DEPDC5: variants seen among roughly 807,000 people sequenced by gnomAD.
The protein encoded by DEPDC5 is DEP domain containing 5, GATOR1 subcomplex subunit.
DEPDC5 carries 73 observed loss-of-function variants against 217.3 expected under a neutral mutation model. The ratio of observed to expected loss-of-function variants is 0.34; its 90% CI spans 0.28 to 0.41. The LOEUF is 0.41. DEPDC5 is among the 10% of genes least tolerant of loss of function. DEPDC5 has a pLI of 1.00. For synonymous variants in DEPDC5, 733 were observed against 756.7 expected, an observed-to-expected ratio of 0.97 and a Z score of 0.51; for missense variants, 1,675 against 2,070.1, an observed-to-expected ratio of 0.81 and a Z score of 3.70.
intron 4 of DEPDC5, among the ~76,000 whole-genome samples, 165 bp from the exon 5 acceptor site, chr22:31,764,810 G>T (rs761095684): frequency 7.2e-5 from 11 of 152,068 alleles, no homozygotes; most frequent in Non-Finnish European, 1.5e-4. Flanking sequence ...CACCTAAAAA[G>T]CAGAGAATTG....
In DEPDC5 at chr22:31,893,102, T is replaced by C. The variant is rs904968843; in HGVS notation, c.4034-480T>C. Among the ~76,000 whole-genome samples, 5 of 152,050 alleles carry C rather than the reference T, an allele frequency of 3.3e-5. No individual in the cohort carries two copies. The East Asian group carries it at 9.7e-4, about 30-fold the overall frequency. On this transcript the variant is annotated intron_variant, in intron 38 of 42. Transcript: ENST00000651528. ...TGTTGGCCAGGATGGTCTCGATCTC[T>C]TGACCTCGTGATCTGCTTGCGTCGG...
At chr22:31,815,799 G>A (rs2089029602) in intron 21 of DEPDC5, 2 of 1,247,656 alleles carry the variant, frequency 1.6e-6, no homozygotes, top group East Asian at 3.4e-5. Context: ...AAAGTGCTGA[G>A]ATTACAGGCA....
At chr22:31,892,535 T>TC (rs1378446008) in intron 38 of DEPDC5, among the ~76,000 whole-genome samples, 2 of 151,958 alleles carry the variant, frequency 1.3e-5, no homozygotes, top group Non-Finnish European at 2.9e-5. Context: ...AATACAAAAA[T>TC]TAGCCGGGTG....
At chr22:31,840,476 A>G (rs989148483) in intron 27 of DEPDC5, among the ~76,000 whole-genome samples, 1 of 152,224 alleles carries the variant, frequency 6.6e-6, no homozygotes, top group Admixed American at 6.5e-5. Flanking sequence ...CCTTTATCCC[A>G]AGAGTAATAA....
intron 12 of DEPDC5, among the ~76,000 whole-genome samples, chr22:31,793,565 GTTA>G (rs553293912): frequency 1.3e-5 from 2 of 151,204 alleles, no homozygotes; most frequent in Middle Eastern, 3.2e-3. Flanking sequence ...CATGTTTAAC[GTTA>G]TTATTATTAT....
intron 20 of DEPDC5, among the ~76,000 whole-genome samples, chr22:31,811,433 G>A (rs1351974744): frequency 1.3e-5 from 2 of 152,100 alleles, no homozygotes; most frequent in Non-Finnish European, 2.9e-5. Context: ...CCTCTCACTG[G>A]GCTGGCTCTA....
At chr22:31,826,971 G>A (rs2090202502) in intron 24 of DEPDC5, among the ~76,000 whole-genome samples, 1 of 149,760 alleles carries the variant, frequency 6.7e-6, no homozygotes, top group East Asian at 2.0e-4. Flanking sequence ...TGATCTCACT[G>A]CAGCCTCAAC....
intron 24 of DEPDC5, among the ~76,000 whole-genome samples, chr22:31,827,242 A>G (rs1296447587): frequency 6.6e-6 from 1 of 152,208 alleles, no homozygotes; most frequent in African/African-American, 2.4e-5. Flanking sequence ...ATCTATAGCC[A>G]CATGGGAACT....
At chr22:31,882,890 C>T (rs963590031) in intron 38 of DEPDC5, among the ~76,000 whole-genome samples, 1 of 152,074 alleles carries the variant, frequency 6.6e-6, no homozygotes, top group Non-Finnish European at 1.5e-5. Context: ...TCCCAAAGTG[C>T]TAGGATTACA....
In DEPDC5 at chr22:31,873,789, C is replaced by CTTTT. The variant is rs796650383; in HGVS notation, c.3564-466_3564-463dup. 2.8e-3 allele frequency: 318 copies of CTTTT among 114,676 alleles called. 1 individual carries two copies. The highest frequency in any genetic ancestry group is 5.7e-3 in the Middle Eastern group (1 of 174). The allele number at this position is 114,676 out of a possible 1,614,324, so 7.1% of individuals were successfully genotyped here. A position where few individuals can be genotyped will look rare whatever the true frequency, so the allele number is the denominator to read the frequency against. On this transcript the variant is annotated intron_variant, in intron 35 of 42. Transcript: ENST00000651528. ...TCCTTTTTCCCCATAACAACTTCTTCTTTTTTTTTTTTTTTTTTTTTGAGA... is the reference window on the plus strand; with the variant it reads ...TCCTTTTTCCCCATAACAACTTCTTCTTTTTTTTTTTTTTTTTTTTTTTTTGAGA...
At position 31,819,084 on chromosome 22, in the gene DEPDC5, G is replaced by C. The variant is rs573430885; in HGVS notation, c.1729G>C (p.Val577Leu). The change falls in exon 22 of 43, where the codon GTT (valine) becomes CTT (leucine). Residue 577 changes from valine to leucine, a missense_variant. Physicochemically the swap from Val to Leu is conservative, Grantham distance 32. Coordinates refer to ENST00000651528, the MANE Select transcript of DEPDC5 (RefSeq NM_001242896.3). ...RDSSAPGRFH[V>L]GSAESMLHVR... is the part of the protein sequence containing the mutation. ...CTCCAGTGCACCAGGGAGGTTTCAC[G>C]TTGGCAGTGCAGAATCCATGCTGCA... 3.7e-6 allele frequency: 6 copies of C among 1,614,074 alleles called. No individual in the cohort carries two copies. The highest frequency in any genetic ancestry group is 5.1e-6 in the Non-Finnish European group (6 of 1,180,038).
Position 31,893,690 on chromosome 22 carries a change from A to G in DEPDC5, c.4142A>G (p.Asn1381Ser). 4 of 1,613,986 alleles carry G rather than the reference A, an allele frequency of 2.5e-6. No homozygotes were observed. Among genetic ancestry groups the G allele is most frequent in the Non-Finnish European group, 2.5e-6 (3 of 1,179,964 alleles). Residue 1381 changes from asparagine to serine, a missense_variant, in exon 39 of 43, where the codon AAT becomes AGT. This residue lies in a region of DEPDC5 where 182 missense variants were observed against 290.1 expected (regional missense o/e 0.63). Transcript: ENST00000651528. Reference protein sequence around the residue: ...SCYYHGNFSLNAAFEIKLHWM... With the variant: ...SCYYHGNFSLSAAFEIKLHWM... ...TATTACCATGGCAACTTTTCTCTGA[A>G]TGCAGCCTTTGAGATCAAGCTGCAC...
intron 32 of DEPDC5, among the ~76,000 whole-genome samples, chr22:31,860,385 A>C (rs1388055820): frequency 6.6e-6 from 1 of 152,208 alleles, no homozygotes; most frequent in African/African-American, 2.4e-5. Context: ...CAAATATTTC[A>C]GTTATTCTAC....
At chr22:31,834,180 T>C in intron 25 of DEPDC5, 200 bp downstream of exon 25, 2 of 626,628 alleles carry the variant, frequency 3.2e-6, no homozygotes, top group East Asian at 2.8e-5. Context: ...CTGAATGACC[T>C]GTTTTGGAAG....
chr22:31,885,468 G>A (rs1427626454), intron 38 of DEPDC5, among the ~76,000 whole-genome samples: 1 of 152,238 alleles, frequency 6.6e-6, no homozygotes, highest in Non-Finnish European at 1.5e-5. Context: ...GCTCACGCCT[G>A]TAATCCCAGC....
At chr22:31,779,840 G>A (rs2148349065) in intron 8 of DEPDC5, among the ~76,000 whole-genome samples, 1 of 152,250 alleles carries the variant, frequency 6.6e-6, no homozygotes, top group South Asian at 2.1e-4. Flanking sequence ...GATCCACCAA[G>A]AGCTGATATA....
intron 38 of DEPDC5, among the ~76,000 whole-genome samples, chr22:31,884,958 A>G (rs551658364): frequency 1.6e-4 from 24 of 152,238 alleles, no homozygotes; most frequent in South Asian, 8.3e-4. Context: ...GTTACCTTCA[A>G]TATTGATTCA....
intron 24 of DEPDC5, among the ~76,000 whole-genome samples, chr22:31,832,545 C>T (rs918133832): frequency 6.6e-6 from 1 of 151,264 alleles, no homozygotes; most frequent in African/African-American, 2.4e-5. Context: ...GGCAGGAGTG[C>T]AGTGGCACAG....
rs561312663 is a variant in DEPDC5 at position 31,865,970 on chromosome 22, G to A, written c.3330+4537G>A. On this transcript the variant is annotated intron_variant, in intron 33 of 42. Transcript: ENST00000651528. ...ATTTGTCTCCGGGTAAGACAAAGGG[G>A]AGTGTCATCTCTACCAGCCTCCAGG... Among the ~76,000 whole-genome samples, 4 of 152,296 alleles carry A rather than the reference G, an allele frequency of 2.6e-5. No homozygotes were observed. The East Asian group carries it at 5.8e-4, about 22-fold the overall frequency.
Sources: allele counts gnomAD v4.1 joint callset (sites outside exome capture counted in the v4.1 genomes callset), GRCh38; gene constraint gnomAD v4.1.1; regional missense constraint gnomAD v4.1.1; transcripts MANE v1.5; gene names NCBI Gene and HGNC (gene_info 2026-07-23, HGNC 2026-07-21).